Variants in PRKCA observed in about 807,000 individuals in gnomAD.
PRKCA encodes protein kinase C alpha.
Under a neutral mutation model 87.0 loss-of-function variants are expected in PRKCA, and 27 were observed. That is an observed-to-expected ratio of 0.31 (90% confidence interval 0.23 to 0.43). The LOEUF is 0.43. Among genes scored for constraint, PRKCA ranks in the 20% least tolerant of loss-of-function variants. The pLI is 1.00. For synonymous variants in PRKCA, 329 were observed against 311.1 expected, an observed-to-expected ratio of 1.06 and a Z score of -0.61; for missense variants, 518 against 852.3, an observed-to-expected ratio of 0.61 and a Z score of 4.88.
intron 8 of PRKCA, among the ~76,000 whole-genome samples, chr17:66,696,129 G>C (rs753213829): frequency 1.8e-4 from 28 of 152,220 alleles, no homozygotes; most frequent in Non-Finnish European, 3.7e-4. Context: ...GTGATGATTA[G>C]ATGCTAGGCA....
rs1213824520 is a variant in PRKCA at position 66,766,605 on chromosome 17, C to T, written c.1525-7382C>T. Among the ~76,000 whole-genome samples the T allele has an allele frequency of 7.2e-5, 11 of 152,078 alleles. No individual in the cohort carries two copies. The South Asian group carries it at 1.5e-3, about 20-fold the overall frequency. On this transcript the variant is annotated intron_variant, in intron 13 of 16. Transcript: ENST00000413366. ...GGTGGATCACCTGAGGTCAGGAGTT[C>T]GAGACCAGTCTGGGCAACATGGCAA...
chr17:66,489,973 G>C (rs2144087643), intron 2 of PRKCA, among the ~76,000 whole-genome samples: 1 of 151,790 alleles, frequency 6.6e-6, no homozygotes, highest in East Asian at 1.9e-4. Flanking sequence ...TAGAGACAGG[G>C]TTTCACCATG....
rs140825120 is a variant in PRKCA at position 66,595,999 on chromosome 17, C to G, written c.289-45356C>G. On this transcript the variant is annotated intron_variant, in intron 3 of 16. Coordinates refer to ENST00000413366, the MANE Select transcript of PRKCA (RefSeq NM_002737.3). Reference sequence around the variant, plus strand: ...AGAAGTGCTAGAAAGAGAGCTGGCTCATCCTGTAGGGATGGGTGGTGGGTC... The same window carrying G: ...AGAAGTGCTAGAAAGAGAGCTGGCTGATCCTGTAGGGATGGGTGGTGGGTC... 4.3e-3 allele frequency among the ~76,000 whole-genome samples: 657 copies of G among 152,334 alleles called. 3 individuals carry two copies. The highest frequency in any genetic ancestry group is 0.014 in the African/African-American group (596 of 41,582).
intron 8 of PRKCA, among the ~76,000 whole-genome samples, chr17:66,725,615 A>G (rs1207010800): frequency 6.6e-6 from 1 of 151,668 alleles, no homozygotes; most frequent in African/African-American, 2.4e-5. Flanking sequence ...GTTTGAGACC[A>G]GCCTGGGCAA....
In PRKCA at chr17:66,808,336, T is replaced by G. The variant is rs1976084895; in HGVS notation, c.*4299T>G. The G allele has an allele frequency of 6.6e-6, 1 of 150,790 alleles. No homozygotes were observed. The highest frequency in any genetic ancestry group is 1.5e-5 in the Non-Finnish European group (1 of 67,664). The allele number at this position is 150,790 out of a possible 1,614,324, so 9.3% of individuals were successfully genotyped here. A position where few individuals can be genotyped will look rare whatever the true frequency, so the allele number is the denominator to read the frequency against. The stretch of plus-strand genomic sequence containing the variant: ...TTTTTGTTCCTGTTTTTTTTTTTTT[T>G]GCTGGAATTTGTTTTCTCAGTACTG... On this transcript the variant is annotated 3_prime_UTR_variant, in exon 17 of 17. Transcript: ENST00000413366.
chr17:66,452,176 A>G (rs1914360246), intron 2 of PRKCA, among the ~76,000 whole-genome samples: 1 of 152,082 alleles, frequency 6.6e-6, no homozygotes, highest in African/African-American at 2.4e-5. Flanking sequence ...CGGTGGCTTC[A>G]TTTTCTCCAG....
At chr17:66,514,412 C>G (rs1966895081) in intron 3 of PRKCA, among the ~76,000 whole-genome samples, 1 of 152,020 alleles carries the variant, frequency 6.6e-6, no homozygotes, top group African/African-American at 2.4e-5. Context: ...AGAAAGTTGT[C>G]TGTTGCAGAT....
chr17:66,395,732 A>G (rs887327243), intron 2 of PRKCA, among the ~76,000 whole-genome samples: 4 of 152,240 alleles, frequency 2.6e-5, no homozygotes, highest in African/African-American at 4.8e-5. Flanking sequence ...TTTTAACAGC[A>G]GTTTTGCTGT....
rs182346669 is a variant in PRKCA, at chr17:66,683,321, A to G, written c.530-3790A>G. 6.2e-4 allele frequency among the ~76,000 whole-genome samples: 95 copies of G among 152,362 alleles called. 2 individuals are homozygous for G. Among genetic ancestry groups the G allele is most frequent in the Admixed American group, 5.9e-3 (90 of 15,306 alleles). ...TGTGAATAATAGTTGAAGTCTTCAA[A>G]TGATGTCAGTGTGCTAGGCCAGGGA... On this transcript the variant is annotated intron_variant, in intron 5 of 16. Coordinates refer to ENST00000413366, the MANE Select transcript of PRKCA (RefSeq NM_002737.3).
intron 3 of PRKCA, among the ~76,000 whole-genome samples, chr17:66,523,019 G>C (rs1249888322): frequency 6.6e-6 from 1 of 152,190 alleles, no homozygotes; most frequent in Non-Finnish European, 1.5e-5. Context: ...AGTATCCAGA[G>C]ATGGCCAGGG....
chr17:66,388,287 T>TA (rs1910174041), intron 2 of PRKCA, among the ~76,000 whole-genome samples: 1 of 152,098 alleles, frequency 6.6e-6, no homozygotes, highest in Non-Finnish European at 1.5e-5. Flanking sequence ...AGTCCATCGA[T>TA]ACTTACCTCT....
chr17:66,370,549 C>CTTTTTTTTTTTT (rs555797425), intron 2 of PRKCA, among the ~76,000 whole-genome samples: 9 of 113,670 alleles, frequency 7.9e-5, no homozygotes, highest in African/African-American at 2.1e-4. Context: ...CTTTTCTTTT[C>CTTTTTTTTTTTT]TTTTTTTTTT....
At chr17:66,404,437 G>A (rs541083082) in intron 2 of PRKCA, among the ~76,000 whole-genome samples, 1 of 152,314 alleles carries the variant, frequency 6.6e-6, no homozygotes, top group African/African-American at 2.4e-5. Flanking sequence ...TGCCCAAAGT[G>A]CCAAGGGCGG....
intron 3 of PRKCA, among the ~76,000 whole-genome samples, chr17:66,546,831 C>T (rs1173567121): frequency 6.6e-6 from 1 of 152,142 alleles, no homozygotes; most frequent in Non-Finnish European, 1.5e-5. Context: ...TGTGGTTGAT[C>T]TAGGGCTTGT....
Position 66,437,626 on chromosome 17 carries a change from C to T in PRKCA, c.206-58575C>T, listed in dbSNP as rs562709302. On this transcript the variant is annotated intron_variant, in intron 2 of 16. Transcript: ENST00000413366. The stretch of plus-strand genomic sequence containing the variant: ...CCTGCCTGCTTGCTTGGCAGTCCCC[C>T]GAGCAGACACAATTTAGGAACAGGA... 2.2e-3 allele frequency among the ~76,000 whole-genome samples: 336 copies of T among 151,736 alleles called. 1 individual carries two copies. The highest frequency in any genetic ancestry group is 7.7e-3 in the African/African-American group (317 of 41,316).
At chr17:66,462,643 T>C (rs983662898) in intron 2 of PRKCA, among the ~76,000 whole-genome samples, 1 of 152,188 alleles carries the variant, frequency 6.6e-6, no homozygotes, top group African/African-American at 2.4e-5. Flanking sequence ...TTTAGGATAC[T>C]TTTTTGTAAG....
chr17:66,413,873 G>A (rs2143756245), intron 2 of PRKCA, among the ~76,000 whole-genome samples: 1 of 152,200 alleles, frequency 6.6e-6, no homozygotes, highest in Admixed American at 6.5e-5. Context: ...AATTAGCTGA[G>A]CATGGTGGCA....
At chr17:66,660,228 C>T (rs1213884770) in intron 5 of PRKCA, among the ~76,000 whole-genome samples, 2 of 152,194 alleles carry the variant, frequency 1.3e-5, no homozygotes, top group East Asian at 1.9e-4. Context: ...CTGCTCCCCC[C>T]ATCCAAGGGC....
chr17:66,419,354 T>C (rs1912359243), intron 2 of PRKCA, among the ~76,000 whole-genome samples: 1 of 152,186 alleles, frequency 6.6e-6, no homozygotes, highest in Admixed American at 6.5e-5. Flanking sequence ...TACATGTACA[T>C]TTCTTTCCTT....
Sources: allele counts gnomAD v4.1 joint callset (sites outside exome capture counted in the v4.1 genomes callset), GRCh38; gene constraint gnomAD v4.1.1; transcripts MANE v1.5; gene names NCBI Gene and HGNC (gene_info 2026-07-23, HGNC 2026-07-21).